Variants in VPS13A observed in about 807,000 individuals in gnomAD.
VPS13A encodes the protein vacuolar protein sorting 13 homolog A.
VPS13A carries 264 observed loss-of-function variants against 390.9 expected under a neutral mutation model. The ratio of observed to expected loss-of-function variants is 0.68; its 90% CI spans 0.61 to 0.75. VPS13A has a LOEUF of 0.75. VPS13A is among the 30% of genes least tolerant of loss of function. The probability of loss-of-function intolerance (pLI) is 0.00; values close to 1 mark genes in which losing one functional copy is unlikely to be tolerated. For missense variants in VPS13A, 3,409 were observed against 3,733.9 expected (o/e 0.91, Z 2.27); for synonymous variants, 1,231 against 1,227.1 (o/e 1.00, Z -0.07).
intron 31 of VPS13A, 67 bp downstream of exon 31, chr9:77,283,717 G>A (rs1827173890): frequency 7.9e-7 from 1 of 1,259,520 alleles, no homozygotes; most frequent in Non-Finnish European, 1.1e-6. Context: ...AGTGGTCATA[G>A]GTATCATTTG....
rs896250515 is a variant in VPS13A at position 77,415,982 on chromosome 9, A to T, written c.9501A>T (p.Ala3167=). 1.9e-6 allele frequency: 3 copies of T among 1,613,480 alleles called. No homozygotes were observed. The highest frequency in any genetic ancestry group is 1.7e-6 in the Non-Finnish European group (2 of 1,179,586). The change falls in exon 72 of 72, where the codon GCA becomes GCT. Residue 3167 remains alanine (A), a synonymous_variant. Coordinates refer to ENST00000360280, the MANE Select transcript of VPS13A (RefSeq NM_033305.3). ...GGATCCTCACAAAGCTACAAGAAGC[A>T]AGAGAACCTTCTCCGAGCCTCTGAC... is the stretch of plus-strand genomic sequence containing the variant. ...ARWILTKLQE[A]REPSPSL
At position 77,324,818 on chromosome 9, in the gene VPS13A, A is replaced by AG. The variant is rs569895274; in HGVS notation, c.5991+1593dup. On this transcript the variant is annotated intron_variant, in intron 45 of 71. Coordinates refer to ENST00000360280, the MANE Select transcript of VPS13A (RefSeq NM_033305.3). Reference sequence around the variant, plus strand: ...CAACCTCCCGAGCAGCAAGGACTGTAGGTGCACACCACCACACCTATTCTC... The same window carrying AG: ...CAACCTCCCGAGCAGCAAGGACTGTAGGGTGCACACCACCACACCTATTCTC... Among the ~76,000 whole-genome samples, 548 of 152,230 alleles carry AG rather than the reference A, an allele frequency of 3.6e-3. 1 individual carries two copies. Among genetic ancestry groups the AG allele is most frequent in the Non-Finnish European group, 5.5e-3 (372 of 68,000 alleles).
intron 51 of VPS13A, 84 bp downstream of exon 51, chr9:77,344,365 T>G (rs1831026530): frequency 7.0e-7 from 1 of 1,424,242 alleles, no homozygotes; most frequent in Middle Eastern, 2.1e-4. Context: ...TTGTATCAAA[T>G]AATTACTTCT....
rs1198837639 is a variant in VPS13A at position 77,260,176 on chromosome 9, A to C, written c.2379A>C (p.Pro793=). 1 of 1,613,284 alleles carries C rather than the reference A, an allele frequency of 6.2e-7. No individual in the cohort carries two copies. The highest frequency in any genetic ancestry group is 8.5e-7 in the Non-Finnish European group (1 of 1,179,534). Residue 793 remains proline, a synonymous_variant, in exon 23 of 72, where the codon CCA becomes CCC. Coordinates refer to ENST00000360280, the MANE Select transcript of VPS13A (RefSeq NM_033305.3). ...QGIMELIESI[P]KPEPVTEVSA... The stretch of plus-strand genomic sequence containing the variant: ...TTATGGAATTGATTGAAAGCATTCC[A>C]AAACCTGAACCAGTAACTGAAGTAT...
At chr9:77,275,057 C>T (rs1826566254) in intron 24 of VPS13A, among the ~76,000 whole-genome samples, 1 of 152,076 alleles carries the variant, frequency 6.6e-6, no homozygotes, top group Non-Finnish European at 1.5e-5. Context: ...TTACTTCATT[C>T]AGACTCTGCT....
intron 46 of VPS13A, among the ~76,000 whole-genome samples, chr9:77,332,890 C>G (rs1331009877): frequency 1.3e-5 from 2 of 152,200 alleles, no homozygotes; most frequent in African/African-American, 4.8e-5. Flanking sequence ...TACCTGTTCT[C>G]TTGTCCAGAA....
intron 1 of VPS13A, among the ~76,000 whole-genome samples, chr9:77,198,001 GGTGA>G (rs1825102835): frequency 6.6e-6 from 1 of 152,166 alleles, no homozygotes; most frequent in Admixed American, 6.5e-5. Flanking sequence ...GTGTGTTCAG[GGTGA>G]GTAAGCAGCA....
chr9:77,288,873 T>C (rs1329444451), intron 31 of VPS13A, among the ~76,000 whole-genome samples: 1 of 152,180 alleles, frequency 6.6e-6, no homozygotes, highest in African/African-American at 2.4e-5. Context: ...GTTCTTTAAG[T>C]TTTTTGCTTT....
At chr9:77,319,503 A>G (rs1829611728) in intron 41 of VPS13A, 69 bp from the exon 42 acceptor site, 2 of 1,059,832 alleles carry the variant, frequency 1.9e-6, no homozygotes, top group South Asian at 2.6e-5. Context: ...AGAAGAAATA[A>G]CAGGGCTAAA....
intron 71 of VPS13A, among the ~76,000 whole-genome samples, chr9:77,411,799 C>A (rs1243806357): frequency 7.3e-5 from 11 of 151,506 alleles, no homozygotes; most frequent in African/African-American, 2.7e-4. Flanking sequence ...AAAAATGAAT[C>A]CAGGAGCTGG....
rs1564652161 is a variant in VPS13A at position 77,235,301 on chromosome 9, A to T, written c.1596-2701A>T. Among the ~76,000 whole-genome samples, 3 of 152,086 alleles carry T rather than the reference A, an allele frequency of 2.0e-5. No homozygotes were observed. The South Asian group carries it at 6.2e-4, about 32-fold the overall frequency. ...TTCATTTTTCCTTCATTTTAGAAGG[A>T]TAGTTTTGTCATATATAGATTTCTT... On this transcript the variant is annotated intron_variant, in intron 17 of 71. Coordinates refer to ENST00000360280, the MANE Select transcript of VPS13A (RefSeq NM_033305.3).
intron 68 of VPS13A, chr9:77,382,662 A>G (rs1833503120): frequency 2.0e-6 from 2 of 998,594 alleles, no homozygotes; most frequent in Middle Eastern, 5.0e-4. Context: ...GAACACTGCT[A>G]TTGTGAATTA....
chr9:77,282,233 C>A lies in VPS13A; in HGVS notation c.3077C>A (p.Thr1026Asn). The A allele has an allele frequency of 6.2e-7, 1 of 1,613,338 alleles. No individual in the cohort carries two copies. The highest frequency in any genetic ancestry group is 1.1e-5 in the South Asian group (1 of 91,038). The change falls in exon 29 of 72, where the codon ACT becomes AAT. Residue 1026 changes from threonine to asparagine, a missense_variant. Physicochemically the swap from Thr to Asn is moderately conservative, Grantham distance 65 (BLOSUM62 0). This residue lies in a region of VPS13A where 2,717 missense variants were observed against 2,917.4 expected (regional missense o/e 0.93). Coordinates refer to ENST00000360280, the MANE Select transcript of VPS13A (RefSeq NM_033305.3). Reference sequence around the variant, plus strand: ...GAGGAAAAATCAGCCCCAGTGTCCACTACAGAGACTGAAGACAAAGGAGAT... The same window carrying A: ...GAGGAAAAATCAGCCCCAGTGTCCAATACAGAGACTGAAGACAAAGGAGAT... ...QSEEKSAPVS[T>N]TETEDKGDVI...
At chr9:77,332,240 T>G in intron 46 of VPS13A, 127 bp downstream of exon 46, 1 of 716,626 alleles carries the variant, frequency 1.4e-6, no homozygotes, top group Non-Finnish European at 2.5e-6. Flanking sequence ...TAGGTTTCAG[T>G]GCACTTAGAT....
intron 23 of VPS13A, among the ~76,000 whole-genome samples, chr9:77,263,276 T>G (rs1269366442): frequency 6.6e-6 from 1 of 151,886 alleles, no homozygotes; most frequent in Admixed American, 6.6e-5. Flanking sequence ...CCAGCTAATT[T>G]TTTTGTATTT....
intron 61 of VPS13A, among the ~76,000 whole-genome samples, chr9:77,367,150 T>C (rs191485082): frequency 1.2e-4 from 19 of 152,286 alleles, no homozygotes; most frequent in Admixed American, 1.2e-3. Context: ...TAGGGAAGGA[T>C]AGGATGTGTA....
intron 10 of VPS13A, among the ~76,000 whole-genome samples, chr9:77,217,788 T>TC (rs1174290440): frequency 6.6e-6 from 1 of 151,840 alleles, no homozygotes; most frequent in African/African-American, 2.4e-5. Context: ...TTTTTCTTTT[T>TC]TTTTTTTGGA....
At chr9:77,208,064 A>G (rs1387438731) in intron 5 of VPS13A, among the ~76,000 whole-genome samples, 8 of 152,216 alleles carry the variant, frequency 5.3e-5, no homozygotes, top group African/African-American at 1.4e-4. Flanking sequence ...TCTGAGCTGC[A>G]TAAGGAAGTC....
chr9:77,244,804 G>C (rs2131252813), intron 19 of VPS13A, among the ~76,000 whole-genome samples: 1 of 152,118 alleles, frequency 6.6e-6, no homozygotes, highest in South Asian at 2.1e-4. Flanking sequence ...TGCTGTGAAA[G>C]AAATGAGAAT....
Sources: allele counts gnomAD v4.1 joint callset (sites outside exome capture counted in the v4.1 genomes callset), GRCh38; gene constraint gnomAD v4.1.1; regional missense constraint gnomAD v4.1.1; transcripts MANE v1.5; gene names NCBI Gene and HGNC (gene_info 2026-07-23, HGNC 2026-07-21).